LNPK: variants seen among roughly 807,000 people sequenced by gnomAD.
LNPK encodes the protein lunapark, ER junction formation factor.
Under a neutral mutation model 55.2 loss-of-function variants are expected in LNPK, and 29 were observed. The observed-to-expected ratio is 0.53, with a 90% CI of 0.39 to 0.72. LNPK has a LOEUF of 0.72. Among genes scored for constraint, LNPK ranks in the 30% least tolerant of loss-of-function variants. The pLI, the probability that LNPK is intolerant of heterozygous loss-of-function variation, is 0.00. For missense variants in LNPK, 467 were observed against 494.8 expected, an observed-to-expected ratio of 0.94 and a Z score of 0.53; for synonymous variants, 162 against 168.2, an observed-to-expected ratio of 0.96 and a Z score of 0.29.
chr2:175,989,722 T>G lies in LNPK; in HGVS notation c.257+2509A>C, dbSNP rs114782313. ...TAAATTTGGCATTTATATTATGATT[T>G]AAGTTTCAGTAATAGTTGAAAAGAT... On this transcript the variant is annotated intron_variant, in intron 4 of 12. Transcript: ENST00000272748. 3.2e-3 allele frequency among the ~76,000 whole-genome samples: 486 copies of G among 152,304 alleles called. 4 individuals carry two copies. Among genetic ancestry groups the G allele is most frequent in the African/African-American group, 0.011 (440 of 41,568 alleles).
At chr2:175,973,827 G>A (rs2105662664) in intron 5 of LNPK, among the ~76,000 whole-genome samples, 1 of 152,242 alleles carries the variant, frequency 6.6e-6, no homozygotes, top group Non-Finnish European at 1.5e-5. Context: ...TTGTTTTTCT[G>A]AATTTTTCTC....
At chr2:175,964,171 C>A (rs1023928888) in intron 8 of LNPK, among the ~76,000 whole-genome samples, 4 of 152,042 alleles carry the variant, frequency 2.6e-5, no homozygotes, top group Admixed American at 2.6e-4. Context: ...TATTTGACAT[C>A]CTAACTTAAC....
Position 175,989,984 on chromosome 2 carries a change from G to A in LNPK, c.257+2247C>T, listed in dbSNP as rs181814130. On this transcript the variant is annotated intron_variant, in intron 4 of 12. Transcript: ENST00000272748. The stretch of plus-strand genomic sequence containing the variant: ...GGAAACTGGGAATGTGTAGACAGCA[G>A]TCACTTTTTACAGATACCAGGTAGA... Among the ~76,000 whole-genome samples, 309 of 152,338 alleles carry A rather than the reference G, an allele frequency of 2.0e-3. 1 individual carries two copies. The highest frequency in any genetic ancestry group is 3.3e-3 in the Admixed American group (51 of 15,302).
At chr2:175,946,830 C>G (rs1574828501) in intron 9 of LNPK, among the ~76,000 whole-genome samples, 1 of 152,092 alleles carries the variant, frequency 6.6e-6, no homozygotes, top group African/African-American at 2.4e-5. Flanking sequence ...AGTGGACTTC[C>G]ATGCCCCAGT....
chr2:175,988,913 A>G (rs1559072407), intron 4 of LNPK, among the ~76,000 whole-genome samples: 1 of 152,086 alleles, frequency 6.6e-6, no homozygotes, highest in Non-Finnish European at 1.5e-5. Flanking sequence ...AGCTGGGACT[A>G]CAGGAGCCCA....
At chr2:175,992,105 A>G in intron 4 of LNPK, 126 bp downstream of exon 4, 1 of 601,844 alleles carries the variant, frequency 1.7e-6, no homozygotes, top group Non-Finnish European at 2.7e-6. Flanking sequence ...TCAAATTGTG[A>G]AAGAAATTCA....
At chr2:175,931,466 A>G (rs1684277674) in intron 12 of LNPK, among the ~76,000 whole-genome samples, 1 of 152,214 alleles carries the variant, frequency 6.6e-6, no homozygotes, top group Non-Finnish European at 1.5e-5. Flanking sequence ...GACTTTAAAA[A>G]TATTTAAAAA....
At chr2:175,997,863 G>C (rs1427287819) in intron 1 of LNPK, among the ~76,000 whole-genome samples, 2 of 151,364 alleles carry the variant, frequency 1.3e-5, no homozygotes, top group African/African-American at 4.9e-5. Context: ...AGTCTCCAAA[G>C]GTGTAGCTGG....
At chr2:175,940,407 C>A (rs866098174) in intron 9 of LNPK, among the ~76,000 whole-genome samples, 1 of 151,774 alleles carries the variant, frequency 6.6e-6, no homozygotes, top group Non-Finnish European at 1.5e-5. Flanking sequence ...CTGGTGCATG[C>A]ATGTGAGAAA....
intron 1 of LNPK, among the ~76,000 whole-genome samples, chr2:176,001,388 A>T (rs548264665): frequency 2.6e-5 from 4 of 152,194 alleles, no homozygotes; most frequent in African/African-American, 4.8e-5. Flanking sequence ...AAACTCAGTG[A>T]TTCACGGGTC....
chr2:176,002,308 C>G (rs1475677503), upstream of LNPK: 1 of 432,626 alleles, frequency 2.3e-6, no homozygotes, highest in Non-Finnish European at 4.6e-6. Context: ...CGCGCTCCAG[C>G]CGCTCGCCAA....
chr2:175,964,851 C>A (rs1686249667), intron 6 of LNPK, among the ~76,000 whole-genome samples: 1 of 152,118 alleles, frequency 6.6e-6, no homozygotes, highest in African/African-American at 2.4e-5. Context: ...CATGCACCAA[C>A]TTCAATAATG....
intron 4 of LNPK, among the ~76,000 whole-genome samples, chr2:175,981,690 T>G (rs1687181871): frequency 6.6e-6 from 1 of 152,202 alleles, no homozygotes; most frequent in Non-Finnish European, 1.5e-5. Flanking sequence ...AGCTGGAGAT[T>G]GGATAACAGC....
At chr2:175,938,410 C>G in intron 10 of LNPK, 27 bp from the exon 11 acceptor site, 1 of 1,371,480 alleles carries the variant, frequency 7.3e-7, no homozygotes, top group Non-Finnish European at 1.0e-6. Flanking sequence ...AATGAACAGA[C>G]CAGTTACAAA....
intron 6 of LNPK, among the ~76,000 whole-genome samples, chr2:175,968,023 T>C: frequency 6.6e-6 from 1 of 152,326 alleles, no homozygotes; most frequent in East Asian, 1.9e-4. Context: ...TTATAGTAGG[T>C]ATATAAACAT....
intron 2 of LNPK, 84 bp downstream of exon 2, chr2:175,995,474 T>C (rs1447281250): frequency 9.8e-7 from 1 of 1,025,332 alleles, no homozygotes; most frequent in East Asian, 2.5e-5. Context: ...TTCAAGGCTA[T>C]AATCAAAGGA....
At chr2:175,995,487 C>G in intron 2 of LNPK, 71 bp downstream of exon 2, 4 of 1,231,164 alleles carry the variant, frequency 3.2e-6, no homozygotes, top group Admixed American at 4.3e-5. Context: ...TCAAAGGAGA[C>G]TTTCACAAAT....
rs766130188 is a variant in LNPK at position 175,937,370 on chromosome 2, A to C, written c.1028T>G (p.Leu343Arg). 4 of 1,613,504 alleles carry C rather than the reference A, an allele frequency of 2.5e-6. No homozygotes were observed. Among genetic ancestry groups the C allele is most frequent in the African/African-American group, 1.3e-5 (1 of 74,906 alleles). Reference protein sequence around the residue: ...SVGPLPSGSVLSSDNQFNEES... With the variant: ...SVGPLPSGSVRSSDNQFNEES... The stretch of plus-strand genomic sequence containing the variant: ...TTCATTAAACTGGTTGTCTGATGAA[A>C]GCACACTTCCTGATGGCAAGGGACC... Residue 343 changes from leucine (L) to arginine (R), a missense_variant, in exon 12 of 13, where the codon CTT becomes CGT. By Grantham distance (102) the Leu-to-Arg change is moderately radical (BLOSUM62 -2). Coordinates refer to ENST00000272748, the MANE Select transcript of LNPK (RefSeq NM_030650.3).
chr2:175,989,396 T>A (rs1378676655), intron 4 of LNPK, among the ~76,000 whole-genome samples: 1 of 152,144 alleles, frequency 6.6e-6, no homozygotes, highest in Non-Finnish European at 1.5e-5. Flanking sequence ...CAATATCTTA[T>A]GATGATGATC....
Sources: gnomAD v4.1 joint callset for allele counts (sites outside exome capture counted in the v4.1 genomes callset) on GRCh38, gnomAD v4.1.1 for gene constraint, MANE v1.5 for transcripts, NCBI Gene and HGNC (gene_info 2026-07-23, HGNC 2026-07-21) for gene names.